ACYP2: variants seen among roughly 807,000 people sequenced by gnomAD.
The protein encoded by ACYP2 is acylphosphatase 2.
ACYP2 carries 12 observed loss-of-function variants against 11.2 expected under a neutral mutation model. The observed-to-expected ratio is 1.08, with a 90% confidence interval of 0.69 to 1.74. The LOEUF (loss-of-function observed/expected upper bound fraction) is 1.74, where lower values mean the gene tolerates loss of function less well. Among genes scored for constraint, ACYP2 ranks in the 40% most tolerant of loss-of-function variants. The probability of loss-of-function intolerance (pLI) is 0.00; values close to 1 mark genes in which losing one functional copy is unlikely to be tolerated. For synonymous variants in ACYP2, 43 were observed against 32.2 expected (o/e 1.33, Z -1.13); for missense variants, 134 against 101.9 (o/e 1.31, Z -1.35).
At chr2:54,042,215 A>T (rs58920915) in intron 2 of ACYP2, among the ~76,000 whole-genome samples, 14,229 of 152,210 alleles carry the variant, frequency 0.093, 888 homozygotes, top group African/African-American at 0.18. Context: ...CATGTTGGTC[A>T]GGCTGGTCTC....
At chr2:54,031,255 C>T (rs1292260254) in intron 2 of ACYP2, among the ~76,000 whole-genome samples, 1 of 151,412 alleles carries the variant, frequency 6.6e-6, no homozygotes, top group Non-Finnish European at 1.5e-5. Flanking sequence ...AGGTATATCT[C>T]CTAATGCTAT....
chr2:54,015,683 ACACAC>A lies in ACYP2; in HGVS notation c.63-35274_63-35270del, dbSNP rs1558473134. Reference sequence around the variant, plus strand: ...CACACACACACACACACACACACACACACACGGCAGAATCTCAGCCTGTGCCCCAA... The same window carrying A: ...CACACACACACACACACACACACACAGGCAGAATCTCAGCCTGTGCCCCAA... On this transcript the variant is annotated intron_variant, in intron 2 of 6. Transcript: ENST00000607452. Among the ~76,000 whole-genome samples the A allele has an allele frequency of 6.7e-3, 996 of 148,598 alleles. 9 individuals are homozygous for A. Among genetic ancestry groups the A allele is most frequent in the African/African-American group, 0.023 (905 of 39,856 alleles).
chr2:54,131,684 G>A (rs779528532), intron 4 of ACYP2, among the ~76,000 whole-genome samples: 8 of 152,154 alleles, frequency 5.3e-5, no homozygotes, highest in Admixed American at 1.3e-4. Flanking sequence ...GTGATGGAGC[G>A]TGCATCAGAT....
intron 6 of ACYP2, among the ~76,000 whole-genome samples, chr2:54,157,680 A>C (rs1373074661): frequency 1.3e-5 from 2 of 152,272 alleles, no homozygotes; most frequent in African/African-American, 4.8e-5. Context: ...AAGAAACAAT[A>C]AACAAGATAC....
chr2:54,126,938 G>A (rs537123551), intron 4 of ACYP2, among the ~76,000 whole-genome samples: 1 of 141,288 alleles, frequency 7.1e-6, no homozygotes, highest in Admixed American at 7.1e-5. Flanking sequence ...TGGGTGACAA[G>A]AGCGAAACTC....
At chr2:54,172,129 G>C (rs1357775761) in intron 6 of ACYP2, among the ~76,000 whole-genome samples, 2 of 152,068 alleles carry the variant, frequency 1.3e-5, no homozygotes, top group Non-Finnish European at 2.9e-5. Flanking sequence ...AGGCAGGAAG[G>C]ATCCCTTGAA....
intron 6 of ACYP2, among the ~76,000 whole-genome samples, chr2:54,152,948 C>T (rs1054653792): frequency 6.6e-6 from 1 of 152,140 alleles, no homozygotes; most frequent in African/African-American, 2.4e-5. Flanking sequence ...CAGGCTCAAG[C>T]CACCATGCTC....
chr2:54,175,342 T>G (rs1278428082), intron 6 of ACYP2, among the ~76,000 whole-genome samples: 3 of 152,208 alleles, frequency 2.0e-5, no homozygotes, highest in Admixed American at 6.5e-5. Context: ...TATTCTCTGA[T>G]GGTAGTTTGT....
chr2:54,165,533 T>A (rs138931439), intron 6 of ACYP2, among the ~76,000 whole-genome samples: 39,811 of 121,880 alleles, frequency 0.33, 5,517 homozygotes, highest in East Asian at 0.47. Flanking sequence ...TCTCTCTCTC[T>A]CTCACACACA....
At chr2:54,049,003 A>G (rs1292770512) in intron 2 of ACYP2, among the ~76,000 whole-genome samples, 1 of 152,156 alleles carries the variant, frequency 6.6e-6, no homozygotes, top group Non-Finnish European at 1.5e-5. Context: ...GGCCAGGTGC[A>G]GTGGCTCACA....
chr2:53,980,927 T>C (rs1193972325), intron 2 of ACYP2, among the ~76,000 whole-genome samples: 1 of 152,070 alleles, frequency 6.6e-6, no homozygotes, highest in Non-Finnish European at 1.5e-5. Context: ...TAATTTTCTA[T>C]TTTTTGTAGA....
intron 4 of ACYP2, among the ~76,000 whole-genome samples, chr2:54,070,041 TG>T (rs1198287705): frequency 1.3e-5 from 2 of 151,746 alleles, no homozygotes; most frequent in Admixed American, 6.6e-5. Context: ...GAGGCCAAGG[TG>T]GGCAGATCAC....
At chr2:54,198,762 C>T (rs529244828) in intron 6 of ACYP2, among the ~76,000 whole-genome samples, 2 of 152,292 alleles carry the variant, frequency 1.3e-5, no homozygotes, top group African/African-American at 2.4e-5. Context: ...ACATTTAGCT[C>T]ATATCCAGAA....
intron 2 of ACYP2, among the ~76,000 whole-genome samples, chr2:54,046,256 A>T (rs1397203513): frequency 3.3e-5 from 5 of 150,898 alleles, no homozygotes; most frequent in Non-Finnish European, 7.4e-5. Context: ...AGGCGGGTGC[A>T]TTACTTGAGG....
chr2:53,997,078 C>A (rs559021200), intron 2 of ACYP2, among the ~76,000 whole-genome samples: 4 of 152,134 alleles, frequency 2.6e-5, no homozygotes, highest in Non-Finnish European at 5.9e-5. Context: ...CCCCAATATT[C>A]GTTTGTATTT....
At chr2:54,069,034 C>G (rs1676883015) in intron 4 of ACYP2, among the ~76,000 whole-genome samples, 1 of 152,136 alleles carries the variant, frequency 6.6e-6, no homozygotes, top group Non-Finnish European at 1.5e-5. Flanking sequence ...TCAAGCAAAT[C>G]CTTCCACCTC....
At chr2:54,113,785 G>A (rs1313940691) in intron 4 of ACYP2, among the ~76,000 whole-genome samples, 3 of 152,082 alleles carry the variant, frequency 2.0e-5, no homozygotes, top group East Asian at 3.9e-4. Context: ...TGTACTGAGA[G>A]AGCAGAATAA....
chr2:54,248,474 T>C (rs1177338091), intron 6 of ACYP2, among the ~76,000 whole-genome samples: 1 of 152,102 alleles, frequency 6.6e-6, no homozygotes, highest in Non-Finnish European at 1.5e-5. Flanking sequence ...GATGAAAAGA[T>C]AGCCCCCTAC....
chr2:54,213,385 G>T (rs1210386804), intron 6 of ACYP2, among the ~76,000 whole-genome samples: 1 of 151,964 alleles, frequency 6.6e-6, no homozygotes, highest in Non-Finnish European at 1.5e-5. Context: ...CTTATGAATA[G>T]TACTGTGATA....
Sources: gnomAD v4.1 joint callset for allele counts (sites outside exome capture counted in the v4.1 genomes callset) on GRCh38, gnomAD v4.1.1 for gene constraint, MANE v1.5 for transcripts, NCBI Gene and HGNC (gene_info 2026-07-23, HGNC 2026-07-21) for gene names.